FARS2: variants seen among roughly 807,000 people sequenced by gnomAD.
FARS2 encodes the protein phenylalanine--tRNA ligase, mitochondrial.
In FARS2, 40 loss-of-function variants were observed where a neutral mutation model predicts 46.4. The observed-to-expected ratio is 0.86, with a 90% CI of 0.67 to 1.12. FARS2 has a LOEUF of 1.12. FARS2 is among the 50% of genes most tolerant of loss of function. The probability of loss-of-function intolerance (pLI) is 0.00; values close to 1 mark genes in which losing one functional copy is unlikely to be tolerated. For missense variants in FARS2, 513 were observed against 567.9 expected (o/e 0.90, Z 0.98); for synonymous variants, 234 against 214.9 (o/e 1.09, Z -0.78).
At chr6:5,491,834 A>G (rs1027622370) in intron 4 of FARS2, among the ~76,000 whole-genome samples, 7 of 152,208 alleles carry the variant, frequency 4.6e-5, no homozygotes, top group Non-Finnish European at 7.3e-5. Context: ...ATAAAGCACA[A>G]TGAATTCCAT....
chr6:5,423,529 C>T (rs1378793655), intron 3 of FARS2, among the ~76,000 whole-genome samples: 1 of 152,054 alleles, frequency 6.6e-6, no homozygotes, highest in Admixed American at 6.5e-5. Context: ...ACCAGTTATA[C>T]CATTGCCAAT....
intron 6 of FARS2, among the ~76,000 whole-genome samples, chr6:5,731,090 A>G (rs542911428): frequency 1.3e-5 from 2 of 152,278 alleles, no homozygotes; most frequent in African/African-American, 2.4e-5. Context: ...CCCGCCCCCG[A>G]TGATTGTCAG....
At chr6:5,430,335 A>G (rs1763090801) in intron 3 of FARS2, among the ~76,000 whole-genome samples, 1 of 152,090 alleles carries the variant, frequency 6.6e-6, no homozygotes, top group Non-Finnish European at 1.5e-5. Flanking sequence ...ATTGTTTTGA[A>G]TTCATTAGTC....
intron 5 of FARS2, among the ~76,000 whole-genome samples, chr6:5,608,890 T>TAA (rs34515855): frequency 3.2e-4 from 47 of 149,202 alleles, no homozygotes; most frequent in South Asian, 1.7e-3. Flanking sequence ...TACAGCACAT[T>TAA]AAAAAAAAAA....
intron 4 of FARS2, among the ~76,000 whole-genome samples, chr6:5,537,050 G>A (rs1041905146): frequency 6.6e-6 from 1 of 151,506 alleles, no homozygotes; most frequent in African/African-American, 2.4e-5. Context: ...CTTTTTTTCT[G>A]TGGCTCAGGA....
chr6:5,652,927 C>T (rs1777439231), intron 6 of FARS2, among the ~76,000 whole-genome samples: 1 of 152,166 alleles, frequency 6.6e-6, no homozygotes, highest in Non-Finnish European at 1.5e-5. Context: ...TAGCCACCTC[C>T]AACTAGGGCA....
intron 6 of FARS2, among the ~76,000 whole-genome samples, chr6:5,679,553 G>C (rs952399905): frequency 6.6e-6 from 1 of 152,090 alleles, no homozygotes; most frequent in African/African-American, 2.4e-5. Context: ...CCACAATACT[G>C]ATCGCCTTAC....
At chr6:5,501,529 C>T (rs1411097301) in intron 4 of FARS2, among the ~76,000 whole-genome samples, 1 of 151,936 alleles carries the variant, frequency 6.6e-6, no homozygotes, top group African/African-American at 2.4e-5. Context: ...TGGATTCTTG[C>T]TCTGTTGCCC....
intron 4 of FARS2, among the ~76,000 whole-genome samples, chr6:5,544,377 TA>T (rs1391262943): frequency 6.6e-6 from 1 of 151,968 alleles, no homozygotes. Flanking sequence ...CATCTCAGCC[TA>T]CCACAGGATC....
At chr6:5,443,460 C>T (rs1181375439) in intron 4 of FARS2, among the ~76,000 whole-genome samples, 1 of 152,206 alleles carries the variant, frequency 6.6e-6, no homozygotes, top group Non-Finnish European at 1.5e-5. Context: ...TGGAGCTTGC[C>T]CCTGTAACTG....
the FARS2 span, among the ~76,000 whole-genome samples, chr6:5,254,922 A>G: frequency 6.6e-6 from 1 of 152,120 alleles, no homozygotes; most frequent in African/African-American, 2.4e-5. Flanking sequence ...TACTCACGGC[A>G]GCAATTTACG....
Position 5,429,535 on chromosome 6 carries a change from G to A in FARS2, c.773-1506G>A, listed in dbSNP as rs368844459. Among the ~76,000 whole-genome samples the A allele has an allele frequency of 4.5e-4, 69 of 152,282 alleles. 1 individual carries two copies. The highest frequency in any genetic ancestry group is 3.4e-3 in the Middle Eastern group (1 of 292). On this transcript the variant is annotated intron_variant, in intron 3 of 6. Coordinates refer to ENST00000274680, the MANE Select transcript of FARS2 (RefSeq NM_006567.5). ...GAGCTGGGTTTTGGGGCCGAGTGCC[G>A]TGGCTCCTGCCTATAATCCCAGCAC...
At chr6:5,489,771 T>G (rs1461425030) in intron 4 of FARS2, among the ~76,000 whole-genome samples, 4 of 152,242 alleles carry the variant, frequency 2.6e-5, no homozygotes, top group African/African-American at 9.6e-5. Context: ...TTATAGAAAG[T>G]TTTTGCATTT....
intron 4 of FARS2, among the ~76,000 whole-genome samples, chr6:5,477,550 C>T (rs1766195819): frequency 6.6e-6 from 1 of 152,222 alleles, no homozygotes; most frequent in African/African-American, 2.4e-5. Flanking sequence ...TGATTAGGAA[C>T]ACTGGCTCTG....
rs754132045 is a variant in FARS2, at chr6:5,369,085, T to C, written c.515T>C (p.Leu172Pro). The change falls in exon 2 of 7, where the codon CTG (leucine) becomes CCG (proline). Residue 172 changes from leucine to proline, a missense_variant. Coordinates refer to ENST00000274680, the MANE Select transcript of FARS2 (RefSeq NM_006567.5). Reference protein sequence around the residue: ...DLLHAGLDAFLVVGDVYRRDQ... With the variant: ...DLLHAGLDAFPVVGDVYRRDQ... ...CTGCACGCGGGACTGGATGCCTTCCTGGTGGTGGGTGATGTCTACAGGCGT... is the reference window on the plus strand; with the variant it reads ...CTGCACGCGGGACTGGATGCCTTCCCGGTGGTGGGTGATGTCTACAGGCGT... 16 of 1,613,940 alleles carry C rather than the reference T, an allele frequency of 9.9e-6. No homozygotes were observed. The highest frequency in any genetic ancestry group is 1.3e-5 in the Non-Finnish European group (15 of 1,180,008).
intron 6 of FARS2, among the ~76,000 whole-genome samples, chr6:5,716,545 C>G (rs916592230): frequency 2.0e-5 from 3 of 152,206 alleles, no homozygotes; most frequent in African/African-American, 7.2e-5. Flanking sequence ...CTGCAGCAAA[C>G]ACCAGCAGGT....
intron 6 of FARS2, among the ~76,000 whole-genome samples, chr6:5,694,618 C>T (rs1026279760): frequency 6.6e-6 from 1 of 152,042 alleles, no homozygotes; most frequent in African/African-American, 2.4e-5. Context: ...GACCTTCAAC[C>T]AGGTGTATAT....
At chr6:5,631,393 T>C (rs1320367986) in intron 6 of FARS2, among the ~76,000 whole-genome samples, 4 of 152,222 alleles carry the variant, frequency 2.6e-5, no homozygotes, top group Non-Finnish European at 5.9e-5. Flanking sequence ...AAGCTATTCT[T>C]AGCATAGTTT....
chr6:5,720,884 CA>C (rs550722633), intron 6 of FARS2, among the ~76,000 whole-genome samples: 69 of 151,744 alleles, frequency 4.5e-4, no homozygotes, highest in African/African-American at 1.3e-3. Flanking sequence ...CCCATCACTA[CA>C]AAAAAAAATT....
Sources: gnomAD v4.1 joint callset for allele counts (sites outside exome capture counted in the v4.1 genomes callset) on GRCh38, gnomAD v4.1.1 for gene constraint, MANE v1.5 for transcripts, NCBI Gene and HGNC (gene_info 2026-07-23, HGNC 2026-07-21) for gene names.